The following GNA15 variants were observed in gnomAD, a reference collection of about 807,000 sequenced individuals.
GNA15 encodes guanine nucleotide-binding protein subunit alpha-15.
A neutral mutation model predicts 40.1 loss-of-function variants in GNA15; 23 were observed. The ratio of observed to expected loss-of-function variants is 0.57; its 90% CI spans 0.41 to 0.81. GNA15 has a LOEUF of 0.81. Among genes scored for constraint, GNA15 ranks in the 40% least tolerant of loss-of-function variants. GNA15 has a pLI of 0.00. For synonymous variants in GNA15, 226 were observed against 210.4 expected (o/e 1.07, Z -0.64); for missense variants, 522 against 515.8 (o/e 1.01, Z -0.12).
intron 5 of GNA15, among the ~76,000 whole-genome samples, 183 bp from the exon 6 acceptor site, chr19:3,157,545 A>G (rs1406794793): frequency 1.3e-5 from 2 of 151,968 alleles, no homozygotes; most frequent in East Asian, 3.9e-4. Context: ...CAGGCACAAA[A>G]CCATGTCAGG....
chr19:3,161,208 C>A (rs950422880), intron 6 of GNA15, among the ~76,000 whole-genome samples: 2 of 152,280 alleles, frequency 1.3e-5, no homozygotes, highest in Admixed American at 6.5e-5. Flanking sequence ...CCTGCCTTGG[C>A]CTTCCAAAGT....
intron 1 of GNA15, among the ~76,000 whole-genome samples, chr19:3,145,359 A>ATATATATTTTTTT: frequency 1.5e-4 from 7 of 46,964 alleles, no homozygotes; most frequent in African/African-American, 6.4e-4. Flanking sequence ...ATATATATAT[A>ATATATATTTTTTT]TTTTTTTTTT....
rs1914795770 is a variant in GNA15, at chr19:3,148,721, C to T, written c.276C>T (p.Ala92=). The change falls in exon 2 of 7, where the codon GCC becomes GCT. Residue 92 remains alanine (A), a synonymous_variant. Transcript: ENST00000262958. The part of the protein sequence containing the change: ...VYQNIFVSMR[A]MIEAMERLQI... ...AGAACATCTTCGTGTCCATGCGGGCCATGATCGAGGCCATGGAGCGGCTGC... is the reference window on the plus strand; with the variant it reads ...AGAACATCTTCGTGTCCATGCGGGCTATGATCGAGGCCATGGAGCGGCTGC... 4 of 1,603,866 alleles carry T rather than the reference C, an allele frequency of 2.5e-6. No individual in the cohort carries two copies. The highest frequency in any genetic ancestry group is 2.2e-5 in the East Asian group (1 of 44,486).
In GNA15 at chr19:3,155,993, AG is replaced by A. The variant is rs749390650; in HGVS notation, c.744+44del. Reference sequence around the variant, plus strand: ...CCTCGCCCTGCCCACTTGTTGGCCCAGGGACCCTCACCTGAGCAGGAAGCTC... The same window carrying A: ...CCTCGCCCTGCCCACTTGTTGGCCCAGGACCCTCACCTGAGCAGGAAGCTC... On this transcript the variant is annotated intron_variant, in intron 5 of 6. Transcript: ENST00000262958. The surrounding 1 kb of genome is among the most constrained non-coding windows in gnomAD (Gnocchi z 5.6). 5 of 1,598,574 alleles carry A rather than the reference AG, an allele frequency of 3.1e-6. No individual in the cohort carries two copies. Among genetic ancestry groups the A allele is most frequent in the East Asian group, 2.2e-5 (1 of 44,730 alleles).
intron 1 of GNA15, among the ~76,000 whole-genome samples, chr19:3,147,905 GAA>G (rs2060868381): frequency 7.6e-6 from 1 of 132,138 alleles, no homozygotes; most frequent in Non-Finnish European, 1.6e-5. Flanking sequence ...AAAAAAAAAA[GAA>G]GAGAAAAAGA....
chr19:3,138,764 G>A (rs978376703), intron 1 of GNA15, among the ~76,000 whole-genome samples: 6 of 150,872 alleles, frequency 4.0e-5, no homozygotes, highest in African/African-American at 1.5e-4. Context: ...TTGAGTAGCT[G>A]GGATTATAGG....
chr19:3,155,896 A>G lies in GNA15; in HGVS notation c.688A>G (p.Ile230Val), dbSNP rs764319987. 4.3e-6 allele frequency: 7 copies of G among 1,613,874 alleles called. No individual in the cohort carries two copies. The highest frequency in any genetic ancestry group is 5.9e-6 in the Non-Finnish European group (7 of 1,179,922). ...TTGTTTCGAGAACGTGATCGCCCTC[A>G]TCTACCTGGCCTCACTGAGTGAATA... ...IHCFENVIAL[I>V]YLASLSEYDQ... The change falls in exon 5 of 7, where the codon ATC (isoleucine) becomes GTC (valine). Residue 230 changes from isoleucine to valine, a missense_variant. Coordinates refer to ENST00000262958, the MANE Select transcript of GNA15 (RefSeq NM_002068.4). The surrounding 1 kb of genome is among the most constrained non-coding windows in gnomAD (Gnocchi z 5.6).
Position 3,149,078 on chromosome 19 carries a change from C to G in GNA15, c.330+303C>G. On this transcript the variant is annotated intron_variant, in intron 2 of 6. Transcript: ENST00000262958. ...AAAGATACACACGCATGCCCACATG[C>G]ACACACCCACACACATACACAAATG... The G allele has an allele frequency of 1.1e-5, 4 of 367,740 alleles. No individual in the cohort carries two copies. The South Asian group carries it at 1.4e-4, about 13-fold the overall frequency. 22.8% of individuals were successfully genotyped at this position (367,740 alleles called of 1,614,324 possible). A position where few individuals can be genotyped will look rare whatever the true frequency, so the allele number is the denominator to read the frequency against.
chr19:3,137,653 G>A (rs1404827085), intron 1 of GNA15, among the ~76,000 whole-genome samples: 2 of 152,160 alleles, frequency 1.3e-5, no homozygotes, highest in Non-Finnish European at 2.9e-5. Context: ...GTGGTGGTGC[G>A]TGCCTGTAGT....
chr19:3,157,245 C>T (rs1430601541), intron 5 of GNA15, among the ~76,000 whole-genome samples: 1 of 152,084 alleles, frequency 6.6e-6, no homozygotes, highest in Non-Finnish European at 1.5e-5. Flanking sequence ...GTGATCTGCC[C>T]GCCTTGGCCT....
At chr19:3,150,325 G>C in intron 3 of GNA15, 40 bp downstream of exon 3, 2 of 1,497,470 alleles carry the variant, frequency 1.3e-6, no homozygotes, top group Non-Finnish European at 1.8e-6. Flanking sequence ...CGTGGGGAGG[G>C]GCTGAGGGCA....
Position 3,143,952 on chromosome 19 carries a change from C to G in GNA15, c.146-4639C>G, listed in dbSNP as rs544680958. On this transcript the variant is annotated intron_variant, in intron 1 of 6. Transcript: ENST00000262958. ...TGGCTAACATGGTGAAACCCCGTCT[C>G]TACTAAAAAAAAACAAAAAAAATTA... 1.1e-4 allele frequency among the ~76,000 whole-genome samples: 13 copies of G among 115,604 alleles called. No individual in the cohort carries two copies. The East Asian group carries it at 2.7e-3, about 24-fold the overall frequency. The allele number at this position is 115,604 out of a possible 152,430, so 75.8% of individuals were successfully genotyped here.
chr19:3,156,202 A>ACACACACACACACT (rs57479390), intron 5 of GNA15, among the ~76,000 whole-genome samples: 18 of 143,342 alleles, frequency 1.3e-4, no homozygotes, highest in Non-Finnish European at 2.1e-4. Flanking sequence ...ACACACACAC[A>ACACACACACACACT]CTACAGTGCA....
chr19:3,148,896 G>T (rs1323069846), intron 2 of GNA15, 121 bp downstream of exon 2: 1 of 1,007,250 alleles, frequency 9.9e-7, no homozygotes, highest in Non-Finnish European at 1.4e-6. Flanking sequence ...GGCAGGGCAG[G>T]CAGGGAAGGG....
chr19:3,157,980 C>G (rs1341843910), intron 6 of GNA15, 99 bp downstream of exon 6: 2 of 947,120 alleles, frequency 2.1e-6, no homozygotes, highest in African/African-American at 1.6e-5. Flanking sequence ...GTCACCGGAA[C>G]TTTCACATAG....
intron 6 of GNA15, among the ~76,000 whole-genome samples, chr19:3,161,494 A>G (rs1915138310): frequency 6.6e-6 from 1 of 152,120 alleles, no homozygotes; most frequent in Admixed American, 6.6e-5. Context: ...CCATGAGGCC[A>G]ATTTTAGCCA....
At chr19:3,153,750 G>A (rs1015129150) in intron 4 of GNA15, among the ~76,000 whole-genome samples, 1 of 151,266 alleles carries the variant, frequency 6.6e-6, no homozygotes, top group African/African-American at 2.4e-5. Context: ...ATGGATGGAT[G>A]GGTGGATGAG....
At position 3,148,441 on chromosome 19, in the gene GNA15, T is replaced by C; in HGVS notation, c.146-150T>C. ...CCAAGGCACAGAGCGGCAAAGCCGC[T>C]AGCCTAGGGTCACTGAGTGAGGTCC... is the stretch of plus-strand genomic sequence containing the variant. On this transcript the variant is annotated intron_variant, in intron 1 of 6. Transcript: ENST00000262958. 7.2e-6 allele frequency: 5 copies of C among 690,706 alleles called. No homozygotes were observed. In the South Asian group the frequency reaches 1.1e-4, roughly 15 times the overall value. 42.8% of individuals were successfully genotyped at this position (690,706 alleles called of 1,614,324 possible).
At chr19:3,147,676 G>A (rs1260423552) in intron 1 of GNA15, among the ~76,000 whole-genome samples, 4 of 152,016 alleles carry the variant, frequency 2.6e-5, no homozygotes, top group African/African-American at 9.7e-5. Flanking sequence ...GGAGGCCGAG[G>A]CGGGTGGATC....
Sources: allele counts gnomAD v4.1 joint callset (sites outside exome capture counted in the v4.1 genomes callset), GRCh38; gene constraint gnomAD v4.1.1; non-coding constraint Gnocchi (gnomAD v3.1); transcripts MANE v1.5; gene names NCBI Gene and HGNC (gene_info 2026-07-23, HGNC 2026-07-21).